The following THSD7B variants were observed in gnomAD, a reference collection of about 807,000 sequenced individuals.
THSD7B encodes thrombospondin type 1 domain containing 7B.
In THSD7B, 138 loss-of-function variants were observed where a neutral mutation model predicts 213.6. That is an observed-to-expected ratio of 0.65 (90% CI 0.56 to 0.74). The LOEUF is 0.74. Among genes scored for constraint, THSD7B ranks in the 30% least tolerant of loss-of-function variants. THSD7B has a pLI of 0.00. For missense variants in THSD7B, 1,931 were observed against 1,991.5 expected, an observed-to-expected ratio of 0.97 and a Z score of 0.58; for synonymous variants, 742 against 687.0, an observed-to-expected ratio of 1.08 and a Z score of -1.25.
chr2:136,792,364 G>C (rs902987873), intron 1 of THSD7B, among the ~76,000 whole-genome samples: 6 of 151,944 alleles, frequency 3.9e-5, no homozygotes, highest in African/African-American at 1.4e-4. Flanking sequence ...CTGGGGGAGG[G>C]AGAGAGAGAT....
chr2:136,976,537 A>G (rs1181188435), intron 2 of THSD7B, among the ~76,000 whole-genome samples: 1 of 152,124 alleles, frequency 6.6e-6, no homozygotes, highest in Non-Finnish European at 1.5e-5. Flanking sequence ...ACTGTGGTGG[A>G]TAAGCTTTTT....
At chr2:137,147,734 G>C (rs914157464) in intron 5 of THSD7B, among the ~76,000 whole-genome samples, 11 of 152,036 alleles carry the variant, frequency 7.2e-5, no homozygotes, top group African/African-American at 2.7e-4. Flanking sequence ...CACCCCGTGG[G>C]CTAAAAGGGC....
chr2:137,164,102 G>A (rs1680072245), intron 6 of THSD7B, among the ~76,000 whole-genome samples: 2 of 152,104 alleles, frequency 1.3e-5, no homozygotes, highest in African/African-American at 4.8e-5. Context: ...ATGGGGCATG[G>A]GATGTATCTA....
intron 1 of THSD7B, among the ~76,000 whole-genome samples, chr2:136,827,634 A>G (rs1682669555): frequency 6.6e-6 from 1 of 152,170 alleles, no homozygotes; most frequent in Non-Finnish European, 1.5e-5. Flanking sequence ...GAAGCTCTTC[A>G]GTGGTTTGGG....
chr2:137,255,841 G>A (rs923744655), intron 10 of THSD7B, among the ~76,000 whole-genome samples: 3 of 152,026 alleles, frequency 2.0e-5, no homozygotes, highest in Admixed American at 6.6e-5. Context: ...ACAGGTGCGT[G>A]CCACCACGCC....
At chr2:136,964,167 A>G (rs1685276798) in intron 2 of THSD7B, among the ~76,000 whole-genome samples, 1 of 152,236 alleles carries the variant, frequency 6.6e-6, no homozygotes, top group Non-Finnish European at 1.5e-5. Context: ...GCCCAAGACA[A>G]TTGTTTCACT....
chr2:137,515,806 A>G (rs949922014), intron 15 of THSD7B, among the ~76,000 whole-genome samples: 1 of 152,214 alleles, frequency 6.6e-6, no homozygotes, highest in Non-Finnish European at 1.5e-5. Context: ...GGTTTAATGT[A>G]GAGGAAGGGA....
At chr2:136,950,451 C>G (rs1209298729) in intron 2 of THSD7B, among the ~76,000 whole-genome samples, 1 of 151,916 alleles carries the variant, frequency 6.6e-6, no homozygotes, top group African/African-American at 2.4e-5. Flanking sequence ...AAAAAAGATG[C>G]CCCAAGATGG....
At chr2:136,882,020 T>C (rs1404799486) in intron 1 of THSD7B, 124 bp from the exon 2 acceptor site, 4 of 555,332 alleles carry the variant, frequency 7.2e-6, no homozygotes, top group African/African-American at 5.9e-5. Flanking sequence ...TGATATTATA[T>C]GTACTATCTT....
chr2:136,834,962 A>G (rs1040751615), intron 1 of THSD7B, among the ~76,000 whole-genome samples: 5 of 152,176 alleles, frequency 3.3e-5, no homozygotes, highest in African/African-American at 1.2e-4. Flanking sequence ...CCCTCATAAA[A>G]CCAGTGAGAG....
At chr2:137,051,065 G>A (rs1329604399) in intron 2 of THSD7B, among the ~76,000 whole-genome samples, 4 of 152,132 alleles carry the variant, frequency 2.6e-5, no homozygotes, top group Admixed American at 6.5e-5. Flanking sequence ...CAGTGAGCCT[G>A]CCTCCAGGGC....
chr2:137,066,682 G>T (rs558939007), intron 3 of THSD7B, among the ~76,000 whole-genome samples: 3 of 152,102 alleles, frequency 2.0e-5, no homozygotes, highest in Admixed American at 2.0e-4. Flanking sequence ...GATATTTTTG[G>T]TATTTGCCTT....
chr2:137,027,587 G>C (rs1188935389), intron 2 of THSD7B, among the ~76,000 whole-genome samples: 1 of 152,176 alleles, frequency 6.6e-6, no homozygotes, highest in African/African-American at 2.4e-5. Flanking sequence ...CATGTGCTAT[G>C]AAAGAGGAAA....
At chr2:136,997,847 G>A (rs1358807851) in intron 2 of THSD7B, among the ~76,000 whole-genome samples, 2 of 152,052 alleles carry the variant, frequency 1.3e-5, no homozygotes, top group East Asian at 3.9e-4. Context: ...CAAAGCTTGG[G>A]ACCCTACCAC....
At chr2:137,311,283 C>T (rs1284334703) in intron 12 of THSD7B, among the ~76,000 whole-genome samples, 1 of 151,492 alleles carries the variant, frequency 6.6e-6, no homozygotes, top group South Asian at 2.1e-4. Flanking sequence ...AATGGGACTT[C>T]ACTCATGATT....
intron 3 of THSD7B, among the ~76,000 whole-genome samples, chr2:137,059,147 T>C (rs1006861797): frequency 2.6e-5 from 4 of 152,140 alleles, no homozygotes; most frequent in African/African-American, 7.2e-5. Context: ...ATCTTCTTGC[T>C]GTGTCCTCAC....
At chr2:137,307,981 G>A (rs1192210610) in intron 12 of THSD7B, among the ~76,000 whole-genome samples, 2 of 151,958 alleles carry the variant, frequency 1.3e-5, no homozygotes, top group Non-Finnish European at 2.9e-5. Context: ...AGGCAGGGGT[G>A]CAAATAGGGC....
chr2:137,633,381 T>G (rs16839193), intron 20 of THSD7B, among the ~76,000 whole-genome samples: 3,930 of 152,272 alleles, frequency 0.026, 169 homozygotes, highest in African/African-American at 0.091. Context: ...GTCACCTTAA[T>G]TCCTTTTTGC....
intron 2 of THSD7B, among the ~76,000 whole-genome samples, chr2:136,893,613 C>T (rs76014488): frequency 0.02 from 3,092 of 152,236 alleles, 49 homozygotes; most frequent in East Asian, 0.073. Flanking sequence ...CTTGTAAACA[C>T]CTTTATGGTC....
Sources: allele counts gnomAD v4.1 joint callset (sites outside exome capture counted in the v4.1 genomes callset), GRCh38; gene constraint gnomAD v4.1.1; transcripts MANE v1.5; gene names NCBI Gene and HGNC (gene_info 2026-07-23, HGNC 2026-07-21).